CC2D2B: variants seen among roughly 807,000 people sequenced by gnomAD.
CC2D2B encodes protein CC2D2B.
In CC2D2B, 128 loss-of-function variants were observed where a neutral mutation model predicts 161.2. The observed-to-expected ratio is 0.79, with a 90% CI of 0.69 to 0.92. CC2D2B has a LOEUF of 0.92. Ranked by LOEUF, CC2D2B falls within the 40% of genes least tolerant of loss-of-function variation. CC2D2B has a pLI of 0.00. For synonymous variants in CC2D2B, 391 were observed against 449.8 expected, an observed-to-expected ratio of 0.87 and a Z score of 1.65; for missense variants, 1,173 against 1,375.1, an observed-to-expected ratio of 0.85 and a Z score of 2.32.
intron 11 of CC2D2B, among the ~76,000 whole-genome samples, chr10:95,956,841 AGTT>A (rs1386294781): frequency 6.6e-5 from 10 of 152,176 alleles, no homozygotes; most frequent in Admixed American, 2.0e-4. Flanking sequence ...CTATGTACAT[AGTT>A]GTTCTACTGT....
chr10:95,914,469 G>A (rs574684228), intron 2 of CC2D2B, among the ~76,000 whole-genome samples: 80 of 152,186 alleles, frequency 5.3e-4, no homozygotes, highest in African/African-American at 1.6e-3. Context: ...TGGTTTGGCC[G>A]TGTCCCCATC....
chr10:95,977,447 G>A (rs1265069649), intron 17 of CC2D2B, among the ~76,000 whole-genome samples: 1 of 152,062 alleles, frequency 6.6e-6, no homozygotes, highest in Non-Finnish European at 1.5e-5. Context: ...CTAAATGATC[G>A]TTGTCTAGAG....
At chr10:95,930,110 C>T (rs1472297106) in intron 6 of CC2D2B, among the ~76,000 whole-genome samples, 5 of 152,164 alleles carry the variant, frequency 3.3e-5, no homozygotes, top group African/African-American at 9.7e-5. Context: ...AGGTGCTTCA[C>T]ATCCCTTATA....
chr10:95,996,252 T>G lies in CC2D2B; in HGVS notation c.2849T>G (p.Val950Gly). 1 of 1,386,286 alleles carries G rather than the reference T, an allele frequency of 7.2e-7. No homozygotes were observed. The highest frequency in any genetic ancestry group is 9.7e-7 in the Non-Finnish European group (1 of 1,035,242). The allele number at this position is 1,386,286 out of a possible 1,614,324, so 85.9% of individuals were successfully genotyped here. ...CWNEEIKVDF[V>G]SPGHDYSFSS... is the part of the protein sequence containing the mutation. ...AATGAAGAAATTAAAGTAGATTTTG[T>G]GTAAGTTGGAGTTCATTTTTCCATA... The change falls in exon 24 of 35, where the codon GTC (valine) becomes GGC (glycine). Residue 950 changes from valine to glycine, a missense_variant and splice_region_variant. Physicochemically the swap from Val to Gly is moderately radical, Grantham distance 109. This residue lies in a region of CC2D2B where 598 missense variants were observed against 693.2 expected (regional missense o/e 0.86). Transcript: ENST00000646931.
At chr10:95,999,852 G>A in intron 24 of CC2D2B, 5 of 484,668 alleles carry the variant, frequency 1.0e-5, no homozygotes, top group South Asian at 9.0e-5. Context: ...GTGCTTCTCT[G>A]GGTGAAGCAG....
chr10:96,016,260 C>CT lies in CC2D2B; in HGVS notation c.3579dup (p.Leu1194SerfsTer29), dbSNP rs760298887. On this transcript the variant is annotated frameshift_variant, in exon 30 of 35. Transcript: ENST00000646931. LOFTEE classifies it high-confidence loss of function. ...AGCATGCCATCCTTCTCTGTAATTT[C>CT]TTTCTGTATTTTGGAAAGAAGGCAC... 21 of 1,613,320 alleles carry CT rather than the reference C, an allele frequency of 1.3e-5. No homozygotes were observed. Among genetic ancestry groups the CT allele is most frequent in the Non-Finnish European group, 1.8e-5 (21 of 1,179,740 alleles).
intron 14 of CC2D2B, 90 bp from the exon 15 acceptor site, chr10:95,968,634 G>GT: frequency 2.1e-6 from 1 of 472,994 alleles, no homozygotes; most frequent in Non-Finnish European, 3.4e-6. Context: ...ATTATCTTCT[G>GT]TTTAACATGC....
chr10:95,935,300 C>A (rs1265267686), intron 6 of CC2D2B, among the ~76,000 whole-genome samples: 1 of 152,134 alleles, frequency 6.6e-6, no homozygotes, highest in East Asian at 1.9e-4. Flanking sequence ...TCTTACAAAC[C>A]CTGTTGGTTC....
chr10:96,011,235 T>C (rs7918957), intron 26 of CC2D2B, among the ~76,000 whole-genome samples: 19,269 of 152,090 alleles, frequency 0.13, 1,275 homozygotes, highest in Middle Eastern at 0.17. Context: ...GGAATACACA[T>C]TGTTGGAGGT....
intron 25 of CC2D2B, among the ~76,000 whole-genome samples, chr10:96,005,201 T>C (rs192035863): frequency 2.6e-5 from 4 of 152,302 alleles, no homozygotes; most frequent in Admixed American, 1.3e-4. Context: ...TCTAACAAAT[T>C]TTTTCTCTCA....
At chr10:95,975,887 TG>T (rs2077295355) in intron 17 of CC2D2B, among the ~76,000 whole-genome samples, 1 of 152,216 alleles carries the variant, frequency 6.6e-6, no homozygotes, top group African/African-American at 2.4e-5. Flanking sequence ...ACTATTATTT[TG>T]TTATATTTCT....
intron 2 of CC2D2B, among the ~76,000 whole-genome samples, chr10:95,913,716 A>G (rs949632554): frequency 3.9e-5 from 6 of 152,174 alleles, no homozygotes; most frequent in African/African-American, 7.2e-5. Context: ...CTAATGGTCA[A>G]TGATGTTGAG....
At position 95,965,878 on chromosome 10, in the gene CC2D2B, C is replaced by T; in HGVS notation, c.1251-18C>T. On this transcript the variant is annotated intron_variant, in intron 12 of 34. Transcript: ENST00000646931. The stretch of plus-strand genomic sequence containing the variant: ...TCCATTATTTCTGCTTTCAATAATT[C>T]TGTTTATTATTAATTAGGATTAAAA... The T allele has an allele frequency of 2.0e-6, 2 of 1,023,944 alleles. No individual in the cohort carries two copies. Among genetic ancestry groups the T allele is most frequent in the Non-Finnish European group, 2.5e-6 (2 of 800,732 alleles). 63.4% of individuals were successfully genotyped at this position (1,023,944 alleles called of 1,614,324 possible).
intron 1 of CC2D2B, among the ~76,000 whole-genome samples, chr10:95,908,767 TAAA>T (rs1452072533): frequency 2.8e-5 from 3 of 106,372 alleles, no homozygotes; most frequent in Non-Finnish European, 7.0e-5. Flanking sequence ...CAGGTTTGAA[TAAA>T]AAACATTACA....
chr10:95,935,295 C>A (rs990662098), intron 6 of CC2D2B, among the ~76,000 whole-genome samples: 6 of 152,198 alleles, frequency 3.9e-5, no homozygotes, highest in African/African-American at 1.4e-4. Context: ...CAATTTCTTA[C>A]AAACCCTGTT....
At chr10:95,924,290 T>C in intron 3 of CC2D2B, 24 bp from the exon 4 acceptor site, 1 of 1,321,850 alleles carries the variant, frequency 7.6e-7, no homozygotes. Flanking sequence ...TCATAAACTC[T>C]TTATTATGTT....
intron 19 of CC2D2B, among the ~76,000 whole-genome samples, chr10:95,987,449 C>A (rs1335333387): frequency 1.3e-5 from 2 of 152,116 alleles, no homozygotes; most frequent in South Asian, 4.1e-4. Context: ...AAGTAACTTA[C>A]CTTCAGATAA....
At chr10:95,914,236 A>G (rs1160522281) in intron 2 of CC2D2B, among the ~76,000 whole-genome samples, 2 of 152,100 alleles carry the variant, frequency 1.3e-5, no homozygotes, top group African/African-American at 4.8e-5. Context: ...CCCAATGTGC[A>G]TTTTTGGCAC....
chr10:96,010,311 G>A (rs556814325), intron 26 of CC2D2B, among the ~76,000 whole-genome samples: 21 of 152,104 alleles, frequency 1.4e-4, no homozygotes, highest in Non-Finnish European at 2.2e-4. Context: ...TAGTCTCTGT[G>A]AGACCCTCAG....
Sources: gnomAD v4.1 joint callset for allele counts (sites outside exome capture counted in the v4.1 genomes callset) on GRCh38, gnomAD v4.1.1 for gene constraint, gnomAD v4.1.1 regional missense constraint, MANE v1.5 for transcripts, NCBI Gene and HGNC (gene_info 2026-07-23, HGNC 2026-07-21) for gene names.